The following UBL3 variants were observed in gnomAD, a reference collection of about 807,000 sequenced individuals.
UBL3 encodes ubiquitin-like protein 3.
Under a neutral mutation model 18.4 loss-of-function variants are expected in UBL3, and 6 were observed. The ratio of observed to expected loss-of-function variants is 0.33; its 90% confidence interval spans 0.18 to 0.64. The LOEUF is 0.64. Ranked by LOEUF, UBL3 falls within the 30% of genes least tolerant of loss-of-function variation. The pLI is 0.76. For missense variants in UBL3, 109 were observed against 142.9 expected, an observed-to-expected ratio of 0.76 and a Z score of 1.21; for synonymous variants, 49 against 46.6, an observed-to-expected ratio of 1.05 and a Z score of -0.21.
At chr13:29,785,519 T>A (rs1877290949) in intron 1 of UBL3, among the ~76,000 whole-genome samples, 1 of 152,210 alleles carries the variant, frequency 6.6e-6, no homozygotes, top group Non-Finnish European at 1.5e-5. Flanking sequence ...ATGTAAATTT[T>A]AAAATAAACA....
intron 2 of UBL3, among the ~76,000 whole-genome samples, chr13:29,772,779 TG>T (rs1876878817): frequency 6.6e-6 from 1 of 152,010 alleles, no homozygotes; most frequent in Admixed American, 6.6e-5. Context: ...AATGAAGACT[TG>T]GAAGAAACCA....
chr13:29,802,129 C>A (rs1215509067), intron 1 of UBL3, among the ~76,000 whole-genome samples: 1 of 152,206 alleles, frequency 6.6e-6, no homozygotes, highest in Non-Finnish European at 1.5e-5. Flanking sequence ...CAACAGCCTA[C>A]CTACTAGCCA....
intron 1 of UBL3, among the ~76,000 whole-genome samples, chr13:29,799,651 C>T (rs73446281): frequency 0.019 from 2,827 of 152,190 alleles, 86 homozygotes; most frequent in African/African-American, 0.064. Context: ...TGCACAATTG[C>T]TGCCATTGAA....
At position 29,787,991 on chromosome 13, in the gene UBL3, C is replaced by T. The variant is rs561381138; in HGVS notation, c.28-10728G>A. Among the ~76,000 whole-genome samples, 18 of 152,250 alleles carry T rather than the reference C, an allele frequency of 1.2e-4. 1 individual carries two copies. In the South Asian group the frequency reaches 2.7e-3, roughly 23 times the overall value. On this transcript the variant is annotated intron_variant, in intron 1 of 4. Coordinates refer to ENST00000380680, the MANE Select transcript of UBL3 (RefSeq NM_007106.4). ...TCCTCTGTCCACCTCCCATTAGTGA[C>T]GGCATGATGGTGGAAGTTTTTTGGA... is the stretch of plus-strand genomic sequence containing the variant.
At chr13:29,772,546 C>T (rs1031457674) in intron 2 of UBL3, among the ~76,000 whole-genome samples, 15 of 151,972 alleles carry the variant, frequency 9.9e-5, no homozygotes, top group African/African-American at 3.6e-4. Context: ...CAGTAATTAA[C>T]ACATAGTATT....
chr13:29,842,061 G>A (rs1427065213), intron 1 of UBL3, among the ~76,000 whole-genome samples: 1 of 150,810 alleles, frequency 6.6e-6, no homozygotes, highest in Non-Finnish European at 1.5e-5. Flanking sequence ...GTTGATGTAC[G>A]ATAGCATTCA....
intron 1 of UBL3, among the ~76,000 whole-genome samples, chr13:29,796,967 G>A (rs1262808993): frequency 6.6e-6 from 1 of 152,156 alleles, no homozygotes; most frequent in Non-Finnish European, 1.5e-5. Flanking sequence ...GGCAGGAAGC[G>A]TGGGTCATAT....
At chr13:29,796,041 A>T (rs1877601764) in intron 1 of UBL3, among the ~76,000 whole-genome samples, 1 of 152,062 alleles carries the variant, frequency 6.6e-6, no homozygotes, top group Non-Finnish European at 1.5e-5. Context: ...GCCTGAAAAG[A>T]GAACAGAAGA....
At chr13:29,825,559 TGA>T (rs1243896065) in intron 1 of UBL3, among the ~76,000 whole-genome samples, 1 of 152,248 alleles carries the variant, frequency 6.6e-6, no homozygotes, top group East Asian at 1.9e-4. Flanking sequence ...TTTTGTAACC[TGA>T]GACTTTGCTG....
intron 1 of UBL3, among the ~76,000 whole-genome samples, chr13:29,800,259 C>T (rs887863267): frequency 3.3e-5 from 5 of 152,222 alleles, no homozygotes; most frequent in Middle Eastern, 3.4e-3. Flanking sequence ...GAAAATATGA[C>T]GAGACAGCAA....
intron 1 of UBL3, among the ~76,000 whole-genome samples, chr13:29,842,816 A>C (rs1879138514): frequency 6.6e-6 from 1 of 152,202 alleles, no homozygotes; most frequent in Admixed American, 6.5e-5. Context: ...ACAGCCAGAA[A>C]ATTAGCCCTC....
chr13:29,787,584 G>T (rs1877356575), intron 1 of UBL3, among the ~76,000 whole-genome samples: 1 of 152,138 alleles, frequency 6.6e-6, no homozygotes, highest in South Asian at 2.1e-4. Context: ...AAACCTGACT[G>T]TAGGATATCC....
rs998269958 is a variant in UBL3 at position 29,766,488 on chromosome 13, C to T, written c.*767G>A. 9 of 152,510 alleles carry T rather than the reference C, an allele frequency of 5.9e-5. No homozygotes were observed. The highest frequency in any genetic ancestry group is 1.3e-4 in the Non-Finnish European group (9 of 67,986). The allele number at this position is 152,510 out of a possible 1,614,324, so 9.4% of individuals were successfully genotyped here. Reference sequence around the variant, plus strand: ...GCCGATGAGTGACTGAAACTACCCTCCCACATTAAGGCTAGGAGACGCACT... The same window carrying T: ...GCCGATGAGTGACTGAAACTACCCTTCCACATTAAGGCTAGGAGACGCACT... On this transcript the variant is annotated 3_prime_UTR_variant, in exon 5 of 5. Coordinates refer to ENST00000380680, the MANE Select transcript of UBL3 (RefSeq NM_007106.4).
At chr13:29,780,472 C>T (rs561251759) in intron 1 of UBL3, among the ~76,000 whole-genome samples, 3 of 140,164 alleles carry the variant, frequency 2.1e-5, no homozygotes, top group Non-Finnish European at 4.5e-5. Flanking sequence ...CCCTTTAAAA[C>T]GGGAAGCAGC....
At chr13:29,832,393 C>T (rs530384854) in intron 1 of UBL3, among the ~76,000 whole-genome samples, 45 of 150,610 alleles carry the variant, frequency 3.0e-4, no homozygotes, top group African/African-American at 1.1e-3. Flanking sequence ...ACTGCAGTGG[C>T]GCTATCTCGG....
At chr13:29,817,838 T>G (rs920152310) in intron 1 of UBL3, among the ~76,000 whole-genome samples, 1 of 152,162 alleles carries the variant, frequency 6.6e-6, no homozygotes, top group Non-Finnish European at 1.5e-5. Flanking sequence ...CAACCAGACA[T>G]AAACAAGTGC....
At chr13:29,836,597 T>C (rs1340478130) in intron 1 of UBL3, among the ~76,000 whole-genome samples, 1 of 151,838 alleles carries the variant, frequency 6.6e-6, no homozygotes, top group Non-Finnish European at 1.5e-5. Context: ...CTCCCTTCAA[T>C]TCCCCCTTGA....
chr13:29,787,539 T>C (rs1877355090), intron 1 of UBL3, among the ~76,000 whole-genome samples: 1 of 152,176 alleles, frequency 6.6e-6, no homozygotes, highest in Non-Finnish European at 1.5e-5. Context: ...TTACAGAACA[T>C]ATTGATTCTG....
At chr13:29,820,546 G>A (rs1380337152) in intron 1 of UBL3, among the ~76,000 whole-genome samples, 3 of 152,130 alleles carry the variant, frequency 2.0e-5, no homozygotes, top group South Asian at 2.1e-4. Flanking sequence ...GATTCCTTGC[G>A]ATCCTGGAGT....
Sources: gnomAD v4.1 joint callset for allele counts (sites outside exome capture counted in the v4.1 genomes callset) on GRCh38, gnomAD v4.1.1 for gene constraint, MANE v1.5 for transcripts, NCBI Gene and HGNC (gene_info 2026-07-23, HGNC 2026-07-21) for gene names.